Variants in PDZRN4 observed in about 807,000 individuals in gnomAD.
PDZRN4 encodes PDZ domain containing ring finger 4.
A neutral mutation model predicts 99.0 loss-of-function variants in PDZRN4; 70 were observed. That is an observed-to-expected ratio of 0.71 (90% CI 0.58 to 0.86). The LOEUF (loss-of-function observed/expected upper bound fraction) is 0.86, where lower values mean the gene tolerates loss of function less well. Among genes scored for constraint, PDZRN4 ranks in the 40% least tolerant of loss-of-function variants. The pLI, the probability that PDZRN4 is intolerant of heterozygous loss-of-function variation, is 0.00. For synonymous variants in PDZRN4, 551 were observed against 501.6 expected (o/e 1.10, Z -1.32); for missense variants, 1,474 against 1,331.2 (o/e 1.11, Z -1.67).
At chr12:41,221,832 C>T (rs926186583) in intron 3 of PDZRN4, among the ~76,000 whole-genome samples, 4 of 152,074 alleles carry the variant, frequency 2.6e-5, no homozygotes, top group East Asian at 1.9e-4. Flanking sequence ...AACTGGGCCC[C>T]TAACTTTCCT....
In PDZRN4 at chr12:41,221,757, T is replaced by C. The variant is rs564605638; in HGVS notation, c.843+27569T>C. ...GTGTGGCCTTCCTTTTCAAGTCTTA[T>C]AGACTTATTTGTCCTCAAGAAAGTT... On this transcript the variant is annotated intron_variant, in intron 3 of 9. Transcript: ENST00000402685. Among the ~76,000 whole-genome samples the C allele has an allele frequency of 4.5e-4, 69 of 152,176 alleles. No homozygotes were observed. The South Asian group carries it at 0.014, about 30-fold the overall frequency.
At chr12:41,211,113 A>T (rs1950885415) in intron 3 of PDZRN4, among the ~76,000 whole-genome samples, 1 of 152,002 alleles carries the variant, frequency 6.6e-6, no homozygotes, top group Non-Finnish European at 1.5e-5. Flanking sequence ...TCCGAAGTTG[A>T]AGATAAGTTA....
In PDZRN4 at chr12:41,532,992, T is replaced by C. The variant is rs1019064735; in HGVS notation, c.1204-19664T>C. Among the ~76,000 whole-genome samples, 5 of 152,298 alleles carry C rather than the reference T, an allele frequency of 3.3e-5. No homozygotes were observed. The South Asian group carries it at 1.0e-3, about 32-fold the overall frequency. Reference sequence around the variant, plus strand: ...ACATTAGATCAACCTGTTAATCATATTGTTCAAATCATCTACATGCTAAAG... The same window carrying C: ...ACATTAGATCAACCTGTTAATCATACTGTTCAAATCATCTACATGCTAAAG... On this transcript the variant is annotated intron_variant, in intron 5 of 9. Transcript: ENST00000402685.
At chr12:41,232,902 TC>T (rs1951038227) in intron 3 of PDZRN4, among the ~76,000 whole-genome samples, 1 of 152,140 alleles carries the variant, frequency 6.6e-6, no homozygotes, top group Admixed American at 6.6e-5. Context: ...TAGCCAATTT[TC>T]CACACCATTT....
At chr12:41,339,329 A>G (rs10880042) in intron 3 of PDZRN4, among the ~76,000 whole-genome samples, 58,384 of 151,860 alleles carry the variant, frequency 0.38, 11,311 homozygotes, top group African/African-American at 0.4. Context: ...TTGGGGAAAG[A>G]ATACTCTTTT....
chr12:41,196,908 A>G (rs10748267), intron 3 of PDZRN4, among the ~76,000 whole-genome samples: 90,943 of 151,792 alleles, frequency 0.6, 27,632 homozygotes, highest in South Asian at 0.68. Flanking sequence ...TCAAATGGTC[A>G]TGCTGATTTA....
At chr12:41,543,765 C>A (rs1442077999) in intron 5 of PDZRN4, among the ~76,000 whole-genome samples, 1 of 152,108 alleles carries the variant, frequency 6.6e-6, no homozygotes, top group East Asian at 1.9e-4. Context: ...GACAAGTGTT[C>A]TTTTCCTAAT....
At chr12:41,266,970 T>C (rs1054655519) in intron 3 of PDZRN4, among the ~76,000 whole-genome samples, 6 of 152,210 alleles carry the variant, frequency 3.9e-5, no homozygotes, top group African/African-American at 1.4e-4. Context: ...TCCATCCGTC[T>C]GTCCATCTAT....
chr12:41,387,496 T>C (rs1393266078), intron 3 of PDZRN4, among the ~76,000 whole-genome samples: 1 of 151,534 alleles, frequency 6.6e-6, no homozygotes, highest in South Asian at 2.1e-4. Flanking sequence ...GAGGCAGGAG[T>C]ATAGCTTGAA....
rs531700891 is a variant in PDZRN4, at chr12:41,521,345, T to C, written c.1203+11432T>C. Reference sequence around the variant, plus strand: ...AGTCCCAGATTCTTCTCAGTAGGAATGAAGGATTCTATAAGAAGCAGTTAC... The same window carrying C: ...AGTCCCAGATTCTTCTCAGTAGGAACGAAGGATTCTATAAGAAGCAGTTAC... On this transcript the variant is annotated intron_variant, in intron 5 of 9. Coordinates refer to ENST00000402685, the MANE Select transcript of PDZRN4 (RefSeq NM_001164595.2). Among the ~76,000 whole-genome samples the C allele has an allele frequency of 1.3e-4, 20 of 152,212 alleles. 1 individual carries two copies. Among genetic ancestry groups the C allele is most frequent in the African/African-American group, 4.6e-4 (19 of 41,562 alleles).
rs572346865 is a variant in PDZRN4, at chr12:41,479,924, A to G, written c.844-26532A>G. Reference sequence around the variant, plus strand: ...ATTATATTAAATGTGAATGAACATCATTGGTCCATAACTTTATAAAACTAA... The same window carrying G: ...ATTATATTAAATGTGAATGAACATCGTTGGTCCATAACTTTATAAAACTAA... On this transcript the variant is annotated intron_variant, in intron 3 of 9. Coordinates refer to ENST00000402685, the MANE Select transcript of PDZRN4 (RefSeq NM_001164595.2). Among the ~76,000 whole-genome samples, 9 of 152,352 alleles carry G rather than the reference A, an allele frequency of 5.9e-5. No homozygotes were observed. The South Asian group carries it at 1.7e-3, about 28-fold the overall frequency.
At chr12:41,434,619 TA>T (rs1952613360) in intron 3 of PDZRN4, among the ~76,000 whole-genome samples, 1 of 152,234 alleles carries the variant, frequency 6.6e-6, no homozygotes, top group African/African-American at 2.4e-5. Context: ...TAGCCTCTTA[TA>T]CGTCAGTCTA....
chr12:41,378,140 T>G (rs1020356264), intron 3 of PDZRN4, among the ~76,000 whole-genome samples: 1 of 151,664 alleles, frequency 6.6e-6, no homozygotes, highest in African/African-American at 2.4e-5. Context: ...ATTATGTTGA[T>G]GTACATTCAT....
At chr12:41,211,105 C>T (rs1042240223) in intron 3 of PDZRN4, among the ~76,000 whole-genome samples, 3 of 151,940 alleles carry the variant, frequency 2.0e-5, no homozygotes, top group South Asian at 2.1e-4. Flanking sequence ...CAGGAAAATC[C>T]GAAGTTGAAG....
rs1951173697 is a variant in PDZRN4, at chr12:41,251,958, A to T, written c.843+57770A>T. On this transcript the variant is annotated intron_variant, in intron 3 of 9. Coordinates refer to ENST00000402685, the MANE Select transcript of PDZRN4 (RefSeq NM_001164595.2). ...CACTGAAACCCTGTCTCTACAAAAA[A>T]TACAAAAATTAGGTGGGCATGGTAG... Among the ~76,000 whole-genome samples, 3 of 152,120 alleles carry T rather than the reference A, an allele frequency of 2.0e-5. No homozygotes were observed. In the South Asian group the frequency reaches 6.2e-4, roughly 31 times the overall value.
intron 3 of PDZRN4, among the ~76,000 whole-genome samples, chr12:41,238,296 T>C (rs952513480): frequency 1.3e-5 from 2 of 152,134 alleles, no homozygotes; most frequent in Admixed American, 6.6e-5. Flanking sequence ...TGTATAGGAA[T>C]GCTAGTAATG....
intron 3 of PDZRN4, among the ~76,000 whole-genome samples, chr12:41,338,230 C>G (rs897074617): frequency 1.3e-5 from 2 of 152,014 alleles, no homozygotes; most frequent in Non-Finnish European, 2.9e-5. Flanking sequence ...TTTTAATGTT[C>G]TATTTCAGTA....
chr12:41,230,253 GT>G (rs1408690460), intron 3 of PDZRN4, among the ~76,000 whole-genome samples: 6 of 151,906 alleles, frequency 3.9e-5, no homozygotes, highest in African/African-American at 1.5e-4. Flanking sequence ...AAGTAGGGAG[GT>G]TTTTGAAACT....
intron 3 of PDZRN4, among the ~76,000 whole-genome samples, chr12:41,248,006 C>T (rs75010679): frequency 0.033 from 4,958 of 152,154 alleles, 143 homozygotes; most frequent in East Asian, 0.12. Flanking sequence ...GCAGTCATGG[C>T]GAAACGGGAA....
Sources: gnomAD v4.1 joint callset for allele counts (sites outside exome capture counted in the v4.1 genomes callset) on GRCh38, gnomAD v4.1.1 for gene constraint, MANE v1.5 for transcripts, NCBI Gene and HGNC (gene_info 2026-07-23, HGNC 2026-07-21) for gene names.